Variants in DNAAF9 observed in about 807,000 individuals in gnomAD.
DNAAF9 encodes dynein axonemal assembly factor 9.
DNAAF9 carries 90 observed loss-of-function variants against 167.0 expected under a neutral mutation model. The ratio of observed to expected loss-of-function variants is 0.54; its 90% CI spans 0.45 to 0.64. DNAAF9 has a LOEUF of 0.64. Among genes scored for constraint, DNAAF9 ranks in the 30% least tolerant of loss-of-function variants. The probability of loss-of-function intolerance (pLI) is 0.00; values close to 1 mark genes in which losing one functional copy is unlikely to be tolerated. For missense variants in DNAAF9, 1,315 were observed against 1,442.2 expected, an observed-to-expected ratio of 0.91 and a Z score of 1.43; for synonymous variants, 491 against 508.8, an observed-to-expected ratio of 0.96 and a Z score of 0.47.
intron 1 of DNAAF9, 74 bp from the exon 2 acceptor site, chr20:3,382,580 C>CA: frequency 8.8e-7 from 1 of 1,130,930 alleles, no homozygotes; most frequent in East Asian, 2.4e-5. Context: ...CTGTGTCCCA[C>CA]AATGGAGTCA....
chr20:3,359,883 C>T (rs2123175511), intron 6 of DNAAF9, among the ~76,000 whole-genome samples: 1 of 152,188 alleles, frequency 6.6e-6, no homozygotes, highest in African/African-American at 2.4e-5. Context: ...ATATTTTTTG[C>T]CTTTGTTTTA....
rs541792575 is a variant in DNAAF9, at chr20:3,362,933, A to G, written c.613-3340T>C. ...TGGAACACATTATCCAACAGCTAAG[A>G]AAGGATTAATGCAGGCCAGGCACAG... On this transcript the variant is annotated intron_variant, in intron 6 of 36. Transcript: ENST00000252032. Among the ~76,000 whole-genome samples the G allele has an allele frequency of 3.9e-5, 6 of 152,264 alleles. No homozygotes were observed. The South Asian group carries it at 1.2e-3, about 32-fold the overall frequency.
intron 7 of DNAAF9, among the ~76,000 whole-genome samples, chr20:3,356,392 A>G (rs896715457): frequency 3.9e-5 from 6 of 152,332 alleles, no homozygotes; most frequent in African/African-American, 1.4e-4. Context: ...TGAAGGTTTT[A>G]GGAGAATTAC....
chr20:3,330,687 G>GA lies in DNAAF9; in HGVS notation c.1064-6dup. ...TGGGCAGCTTGCTGTCACCACCTGTGAAAGAGGCCCACTAAGAATGTGACA... is the reference window on the plus strand; with the variant it reads ...TGGGCAGCTTGCTGTCACCACCTGTGAAAAGAGGCCCACTAAGAATGTGACA... On this transcript the variant is annotated splice_region_variant and splice_polypyrimidine_tract_variant and intron_variant, in intron 11 of 36. Coordinates refer to ENST00000252032, the MANE Select transcript of DNAAF9 (RefSeq NM_001009984.3). 5 of 1,578,096 alleles carry GA rather than the reference G, an allele frequency of 3.2e-6. No individual in the cohort carries two copies. The highest frequency in any genetic ancestry group is 4.3e-6 in the Non-Finnish European group (5 of 1,150,002).
chr20:3,255,301 TGGA>T lies in DNAAF9; in HGVS notation c.3262-20_3262-18del. ...CTGAGGCTTCTGCAGAGATGGGGAG[TGGA>T]GGGTCAGGTCCCAGCAGAACTCATG... is the stretch of plus-strand genomic sequence containing the variant. On this transcript the variant is annotated intron_variant, in intron 34 of 36. Transcript: ENST00000252032. The T allele has an allele frequency of 6.5e-7, 1 of 1,527,942 alleles. No individual in the cohort carries two copies. The highest frequency in any genetic ancestry group is 8.9e-7 in the Non-Finnish European group (1 of 1,126,460). 94.6% of individuals were successfully genotyped at this position (1,527,942 alleles called of 1,614,324 possible).
Position 3,294,170 on chromosome 20 carries a change from A to G in DNAAF9, c.2207T>C (p.Ile736Thr). 6.2e-7 allele frequency: 1 copy of G among 1,609,060 alleles called. No homozygotes were observed. Among genetic ancestry groups the G allele is most frequent in the Non-Finnish European group, 8.5e-7 (1 of 1,175,470 alleles). Reference sequence around the variant, plus strand: ...ACTTTCTATTCTGTGAGTAGTGTTGATTTCAGCTTGCTGCAGCAGCACAGG... The same window carrying G: ...ACTTTCTATTCTGTGAGTAGTGTTGGTTTCAGCTTGCTGCAGCAGCACAGG... ...HLPVLLQQAE[I>T]NTTHRIESDK... The change falls in exon 25 of 37, where the codon ATC (isoleucine) becomes ACC (threonine). Residue 736 changes from isoleucine (I) to threonine (T), a missense_variant. This residue lies in a region of DNAAF9 where 981 missense variants were observed against 1,012.5 expected (regional missense o/e 0.97). Coordinates refer to ENST00000252032, the MANE Select transcript of DNAAF9 (RefSeq NM_001009984.3).
intron 10 of DNAAF9, among the ~76,000 whole-genome samples, chr20:3,337,070 G>A (rs1177656529): frequency 6.6e-6 from 1 of 151,146 alleles, no homozygotes; most frequent in African/African-American, 2.4e-5. Context: ...TAGTAGAGAT[G>A]GGGTTTCACC....
intron 29 of DNAAF9, among the ~76,000 whole-genome samples, chr20:3,275,284 C>A (rs1428481066): frequency 6.6e-6 from 1 of 152,140 alleles, no homozygotes; most frequent in Non-Finnish European, 1.5e-5. Context: ...GAAGAGCCAG[C>A]AAAGGTTGAG....
At chr20:3,388,215 T>C (rs1427942026) in intron 1 of DNAAF9, among the ~76,000 whole-genome samples, 2 of 152,180 alleles carry the variant, frequency 1.3e-5, no homozygotes, top group African/African-American at 4.8e-5. Context: ...TTAATATCCA[T>C]TAGTATGGCT....
At chr20:3,257,047 C>T (rs541540672) in intron 33 of DNAAF9, among the ~76,000 whole-genome samples, 3 of 151,604 alleles carry the variant, frequency 2.0e-5, no homozygotes, top group Admixed American at 1.3e-4. Context: ...CAGTGTTGCA[C>T]GAAGGTCACA....
chr20:3,324,927 A>G lies in DNAAF9; in HGVS notation c.1230T>C (p.Asp410=). ...CCTTAAACGGAATCAACTCAAAGGA[A>G]TCTAACCCAGATCCCAGAGTTTGCT... The part of the protein sequence containing the change: ...VAEQTLGSGL[D]SFELIPFKAA... The change falls in exon 14 of 37, where the codon GAT becomes GAC. Residue 410 remains aspartate (D), a synonymous_variant. Transcript: ENST00000252032. 6.2e-7 allele frequency: 1 copy of G among 1,609,122 alleles called. No individual in the cohort carries two copies.
chr20:3,344,490 G>T (rs949159866), intron 8 of DNAAF9, among the ~76,000 whole-genome samples: 28 of 151,888 alleles, frequency 1.8e-4, no homozygotes, highest in African/African-American at 6.8e-4. Flanking sequence ...GTACATCATA[G>T]ATAATATATG....
chr20:3,403,647 A>G (rs1431820324), intron 1 of DNAAF9, among the ~76,000 whole-genome samples: 1 of 151,518 alleles, frequency 6.6e-6, no homozygotes, highest in Admixed American at 6.6e-5. Flanking sequence ...TCAATTTACA[A>G]ACATGCTATA....
chr20:3,265,945 G>A (rs1012680925), intron 30 of DNAAF9, among the ~76,000 whole-genome samples: 5 of 152,138 alleles, frequency 3.3e-5, no homozygotes, highest in Admixed American at 6.5e-5. Context: ...CTCCTAAAGC[G>A]TTGGGATTAC....
chr20:3,326,190 A>C lies in DNAAF9; in HGVS notation c.1188+7T>G. ...TTACAGAAAGGGAAACATGGTATTT[A>C]AATTACCTTTGTTAGACTGGAAGTT... On this transcript the variant is annotated splice_region_variant and intron_variant, in intron 13 of 36. Coordinates refer to ENST00000252032, the MANE Select transcript of DNAAF9 (RefSeq NM_001009984.3). The C allele has an allele frequency of 1.3e-6, 2 of 1,561,062 alleles. No homozygotes were observed. Among genetic ancestry groups the C allele is most frequent in the East Asian group, 2.2e-5 (1 of 44,620 alleles).
At chr20:3,265,080 C>T (rs1311394279) in intron 30 of DNAAF9, among the ~76,000 whole-genome samples, 1 of 152,102 alleles carries the variant, frequency 6.6e-6, no homozygotes, top group East Asian at 1.9e-4. Flanking sequence ...TACTGGCTCC[C>T]AGCAATCACC....
At chr20:3,324,825 A>AG (rs2069681836) in intron 14 of DNAAF9, 67 bp downstream of exon 14, 2 of 799,818 alleles carry the variant, frequency 2.5e-6, no homozygotes, top group Admixed American at 4.3e-5. Context: ...CTAAATTATA[A>AG]GGGAAAAAAG....
At chr20:3,283,424 G>T (rs1353379574) in intron 27 of DNAAF9, among the ~76,000 whole-genome samples, 1 of 152,226 alleles carries the variant, frequency 6.6e-6, no homozygotes, top group Non-Finnish European at 1.5e-5. Flanking sequence ...TAGAGAACGG[G>T]GTTTACTAGG....
At position 3,281,630 on chromosome 20, in the gene DNAAF9, C is replaced by A. The variant is rs780214301; in HGVS notation, c.2612+11G>T. 1.3e-6 allele frequency: 2 copies of A among 1,598,646 alleles called. No homozygotes were observed. Among genetic ancestry groups the A allele is most frequent in the East Asian group, 4.5e-5 (2 of 44,408 alleles). On this transcript the variant is annotated intron_variant, in intron 28 of 36. Transcript: ENST00000252032. ...CTTTCAGTACACTTACACACCATAT[C>A]CTGTATCTACCTGTGCTCCATGTAG...
Sources: allele counts gnomAD v4.1 joint callset (sites outside exome capture counted in the v4.1 genomes callset), GRCh38; gene constraint gnomAD v4.1.1; regional missense constraint gnomAD v4.1.1; transcripts MANE v1.5; gene names NCBI Gene and HGNC (gene_info 2026-07-23, HGNC 2026-07-21).